HDAC7: variants seen among roughly 807,000 people sequenced by gnomAD.
HDAC7 encodes histone deacetylase 7A.
HDAC7 carries 26 observed loss-of-function variants against 115.5 expected under a neutral mutation model. That is an observed-to-expected ratio of 0.23 (90% CI 0.16 to 0.31). The LOEUF (loss-of-function observed/expected upper bound fraction) is 0.31, where lower values mean the gene tolerates loss of function less well. HDAC7 is among the 10% of genes least tolerant of loss of function. The pLI, the probability that HDAC7 is intolerant of heterozygous loss-of-function variation, is 1.00. For synonymous variants in HDAC7, 564 were observed against 550.9 expected, an observed-to-expected ratio of 1.02 and a Z score of -0.33; for missense variants, 1,068 against 1,329.0, an observed-to-expected ratio of 0.80 and a Z score of 3.05.
chr12:47,783,810 G>C lies in HDAC7; in HGVS notation c.*31C>G. 4 of 1,604,602 alleles carry C rather than the reference G, an allele frequency of 2.5e-6. No individual in the cohort carries two copies. The highest frequency in any genetic ancestry group is 3.4e-6 in the Non-Finnish European group (4 of 1,175,282). On this transcript the variant is annotated 3_prime_UTR_variant, in exon 26 of 26. Coordinates refer to ENST00000080059, the MANE Select transcript of HDAC7 (RefSeq NM_015401.5). ...GTTAGAAGAGAACCAGGTCCCAAGG[G>C]CATGGTGGGCGGGCAGATGGTTCCA...
At chr12:47,799,608 G>C (rs1432840652) in intron 2 of HDAC7, among the ~76,000 whole-genome samples, 1 of 152,260 alleles carries the variant, frequency 6.6e-6, no homozygotes, top group Admixed American at 6.5e-5. Flanking sequence ...TCAGCTCATA[G>C]GGCCCATGTG....
At chr12:47,789,212 T>A in intron 19 of HDAC7, 49 bp downstream of exon 19, 1 of 1,410,146 alleles carries the variant, frequency 7.1e-7, no homozygotes, top group Non-Finnish European at 1.0e-6. Context: ...GGCTCAGGGC[T>A]TTTCCCCCAG....
rs566699333 is a variant in HDAC7 at position 47,790,212 on chromosome 12, G to A, written c.1984-292C>T. The stretch of plus-strand genomic sequence containing the variant: ...GGAGGGGGCATGGCGTTACCTGGGC[G>A]GGACTTGGGGTTTGGGCCGGGAGGG... On this transcript the variant is annotated intron_variant, in intron 16 of 25. Coordinates refer to ENST00000080059, the MANE Select transcript of HDAC7 (RefSeq NM_015401.5). 438 of 406,194 alleles carry A rather than the reference G, an allele frequency of 1.1e-3. 2 individuals are homozygous for A. The highest frequency in any genetic ancestry group is 7.8e-3 in the African/African-American group (390 of 49,808). 25.2% of individuals were successfully genotyped at this position (406,194 alleles called of 1,614,324 possible).
rs1415622928 is a variant in HDAC7, at chr12:47,796,302, A to C, written c.704-4T>G. 5 of 1,588,264 alleles carry C rather than the reference A, an allele frequency of 3.1e-6. No individual in the cohort carries two copies. Among genetic ancestry groups the C allele is most frequent in the East Asian group, 2.3e-5 (1 of 44,392 alleles). ...CTGCTACTACTTGGGGAGGAGTCTG[A>C]GGGTTGGGGAGAGAGGGAAGTGCAG... is the stretch of plus-strand genomic sequence containing the variant. On this transcript the variant is annotated splice_region_variant and splice_polypyrimidine_tract_variant and intron_variant, in intron 7 of 25. Coordinates refer to ENST00000080059, the MANE Select transcript of HDAC7 (RefSeq NM_015401.5).
intron 15 of HDAC7, 46 bp downstream of exon 15, chr12:47,791,540 G>A (rs960209820): frequency 1.3e-6 from 2 of 1,572,636 alleles, no homozygotes; most frequent in African/African-American, 2.7e-5. Context: ...CATGGGAGCT[G>A]GGTGAGGTAA....
At chr12:47,816,337 C>T (rs1335037424) in intron 1 of HDAC7, among the ~76,000 whole-genome samples, 4 of 151,954 alleles carry the variant, frequency 2.6e-5, no homozygotes, top group Non-Finnish European at 5.9e-5. Flanking sequence ...AGATATATAC[C>T]CCCAAAAAAC....
chr12:47,802,124 G>C (rs891199430), intron 2 of HDAC7, 100 bp downstream of exon 2: 21 of 1,294,180 alleles, frequency 1.6e-5, no homozygotes, highest in Non-Finnish European at 2.3e-5. Flanking sequence ...ATCAGCCAGC[G>C]ACCCTGCTTC....
intron 1 of HDAC7, chr12:47,802,565 A>C (rs1048919601): frequency 8.1e-7 from 1 of 1,239,848 alleles, no homozygotes; most frequent in Non-Finnish European, 1.1e-6. Flanking sequence ...CTCACCCAGC[A>C]GTGCCCTCAG....
At chr12:47,813,062 C>G (rs991614732) in intron 1 of HDAC7, 3 of 152,394 alleles carry the variant, frequency 2.0e-5, no homozygotes, top group Non-Finnish European at 2.9e-5. Context: ...AAGCACAGCC[C>G]TGCGCTGCGG....
chr12:47,784,164 G>A lies in HDAC7; in HGVS notation c.2845C>T (p.Pro949Ser). Residue 949 changes from proline to serine, a missense_variant, in exon 25 of 26, where the codon CCT (proline) becomes TCT (serine). Coordinates refer to ENST00000080059, the MANE Select transcript of HDAC7 (RefSeq NM_015401.5). The part of the protein sequence containing the change: ...RLASCPDSWV[P>S]RVPGADKEEV... Reference sequence around the variant, plus strand: ...TCTTTGTCAGCCCCTGGCACTCTAGGCACCCAGGAGTCTGGACAGGAGGCC... The same window carrying A: ...TCTTTGTCAGCCCCTGGCACTCTAGACACCCAGGAGTCTGGACAGGAGGCC... 1 of 1,613,408 alleles carries A rather than the reference G, an allele frequency of 6.2e-7. No individual in the cohort carries two copies.
chr12:47,789,498 C>G (rs767018105), intron 18 of HDAC7, 25 bp downstream of exon 18: 1 of 1,612,996 alleles, frequency 6.2e-7, no homozygotes, highest in East Asian at 2.2e-5. Flanking sequence ...CACCTCATCC[C>G]ACCCAGGTCT....
intron 19 of HDAC7, 120 bp downstream of exon 19, chr12:47,789,141 G>T: frequency 1.3e-6 from 1 of 796,634 alleles, no homozygotes. Context: ...TACACAAGGG[G>T]AAACTGAGGC....
chr12:47,803,708 CG>C lies in HDAC7; in HGVS notation c.20-1435del, dbSNP rs1239088821. ...TCTGCACCAAACACCTCGCAGGGCA[CG>C]TGGCAGGCTCTGTTAGTAGCTGACA... On this transcript the variant is annotated intron_variant, in intron 1 of 25. Transcript: ENST00000080059. This position sits in a 1 kb window ranked among gnomAD's most constrained non-coding sequence, Gnocchi z 4.0. Among the ~76,000 whole-genome samples the C allele has an allele frequency of 6.6e-6, 1 of 152,196 alleles. No homozygotes were observed. Among genetic ancestry groups the C allele is most frequent in the African/African-American group, 2.4e-5 (1 of 41,434 alleles).
intron 1 of HDAC7, among the ~76,000 whole-genome samples, chr12:47,802,686 C>T (rs1000358913): frequency 2.0e-5 from 3 of 151,988 alleles, no homozygotes; most frequent in African/African-American, 7.2e-5. Context: ...GGTGGGAGAG[C>T]CTGGCTGGGG....
Position 47,795,769 on chromosome 12 carries a change from T to G in HDAC7, c.907-2A>C. The G allele has an allele frequency of 6.6e-7, 1 of 1,524,796 alleles. No homozygotes were observed. Among genetic ancestry groups the G allele is most frequent in the Non-Finnish European group, 8.8e-7 (1 of 1,134,004 alleles). 94.5% of individuals were successfully genotyped at this position (1,524,796 alleles called of 1,614,324 possible). ...ATGGGTCCTGCGGTCACTGTCAGCCTGGGGGAGAGGCGGGAGAAGTCACGG... is the reference window on the plus strand; with the variant it reads ...ATGGGTCCTGCGGTCACTGTCAGCCGGGGGGAGAGGCGGGAGAAGTCACGG... On this transcript the variant is annotated splice_acceptor_variant, in intron 9 of 25. Coordinates refer to ENST00000080059, the MANE Select transcript of HDAC7 (RefSeq NM_015401.5). LOFTEE classifies it high-confidence loss of function. This position sits in a 1 kb window ranked among gnomAD's most constrained non-coding sequence, Gnocchi z 4.3.
chr12:47,796,078 C>T, intron 8 of HDAC7, 62 bp from the exon 9 acceptor site: 1 of 1,530,522 alleles, frequency 6.5e-7, no homozygotes, highest in Non-Finnish European at 8.9e-7. Flanking sequence ...GCACCTTCCC[C>T]AGAACACCCA....
chr12:47,786,751 A>C, intron 21 of HDAC7, 48 bp from the exon 22 acceptor site: 3 of 1,506,576 alleles, frequency 2.0e-6, no homozygotes, highest in Non-Finnish European at 2.8e-6. Flanking sequence ...CAGGGTTGCC[A>C]GGGGCGGTCC....
chr12:47,805,459 A>G (rs1944360178), intron 1 of HDAC7, among the ~76,000 whole-genome samples: 1 of 152,230 alleles, frequency 6.6e-6, no homozygotes, highest in Non-Finnish European at 1.5e-5. Flanking sequence ...GCAGAAGGCC[A>G]TAGTCCTGGG....
chr12:47,810,346 G>A (rs1443152107), intron 1 of HDAC7, among the ~76,000 whole-genome samples: 3 of 152,174 alleles, frequency 2.0e-5, no homozygotes, highest in Non-Finnish European at 4.4e-5. Flanking sequence ...GAGCTGCTGG[G>A]ACTCCAGAAC....
Sources: gnomAD v4.1 joint callset for allele counts (sites outside exome capture counted in the v4.1 genomes callset) on GRCh38, gnomAD v4.1.1 for gene constraint, Gnocchi (gnomAD v3.1) non-coding constraint, MANE v1.5 for transcripts, NCBI Gene and HGNC (gene_info 2026-07-23, HGNC 2026-07-21) for gene names.